CTNNBL1: variants seen among roughly 807,000 people sequenced by gnomAD.
CTNNBL1 encodes the protein catenin beta like 1.
A neutral mutation model predicts 72.7 loss-of-function variants in CTNNBL1; 31 were observed. The observed-to-expected ratio is 0.43, with a 90% CI of 0.32 to 0.58. CTNNBL1 has a LOEUF of 0.58. CTNNBL1 is among the 20% of genes least tolerant of loss of function. The pLI is 0.08. For missense variants in CTNNBL1, 534 were observed against 725.1 expected, an observed-to-expected ratio of 0.74 and a Z score of 3.03; for synonymous variants, 240 against 267.3, an observed-to-expected ratio of 0.90 and a Z score of 1.00.
At chr20:37,703,205 A>G (rs572748699) in intron 1 of CTNNBL1, among the ~76,000 whole-genome samples, 1 of 152,358 alleles carries the variant, frequency 6.6e-6, no homozygotes, top group Non-Finnish European at 1.5e-5. Flanking sequence ...ACCATTATGT[A>G]AAGATCAAAA....
chr20:37,755,484 C>T (rs773106373), intron 4 of CTNNBL1, among the ~76,000 whole-genome samples: 2 of 152,140 alleles, frequency 1.3e-5, no homozygotes, highest in African/African-American at 2.4e-5. Flanking sequence ...TGTCCAAAGA[C>T]CTTTAAGCTC....
At chr20:37,728,095 G>C (rs1273566949) in intron 1 of CTNNBL1, among the ~76,000 whole-genome samples, 1 of 152,086 alleles carries the variant, frequency 6.6e-6, no homozygotes, top group Non-Finnish European at 1.5e-5. Flanking sequence ...CAGGGAGCTG[G>C]AACCCTTCAG....
At chr20:37,814,740 A>G (rs2072039985) in intron 11 of CTNNBL1, among the ~76,000 whole-genome samples, 1 of 152,192 alleles carries the variant, frequency 6.6e-6, no homozygotes, top group African/African-American at 2.4e-5. Context: ...TAATGAAAGA[A>G]AAAAAACGGA....
At chr20:37,740,039 A>G (rs2073201826) in intron 3 of CTNNBL1, among the ~76,000 whole-genome samples, 1 of 152,186 alleles carries the variant, frequency 6.6e-6, no homozygotes, top group Admixed American at 6.5e-5. Context: ...CACCATCTAC[A>G]TCTTAGGTAC....
intron 4 of CTNNBL1, among the ~76,000 whole-genome samples, chr20:37,746,977 G>A (rs1470727215): frequency 6.6e-6 from 1 of 152,240 alleles, no homozygotes; most frequent in African/African-American, 2.4e-5. Flanking sequence ...TCTTTCTGCT[G>A]ACTGATGGTC....
intron 10 of CTNNBL1, among the ~76,000 whole-genome samples, chr20:37,782,233 A>G (rs962588620): frequency 4.6e-5 from 7 of 152,168 alleles, no homozygotes; most frequent in Admixed American, 6.5e-5. Context: ...TAACTATAAT[A>G]TAATTTAATA....
chr20:37,719,574 G>T (rs1036511901), intron 1 of CTNNBL1, among the ~76,000 whole-genome samples: 103 of 152,262 alleles, frequency 6.8e-4, no homozygotes, highest in African/African-American at 2.4e-3. Flanking sequence ...CTTAGTAAGG[G>T]TGCCCTGTAA....
chr20:37,763,747 T>C (rs1194689655), intron 5 of CTNNBL1, among the ~76,000 whole-genome samples: 1 of 151,764 alleles, frequency 6.6e-6, no homozygotes, highest in African/African-American at 2.4e-5. Flanking sequence ...TGGGAAAAAG[T>C]AGAGTTGGAG....
At chr20:37,729,244 C>G (rs1020176692) in intron 1 of CTNNBL1, among the ~76,000 whole-genome samples, 3 of 152,070 alleles carry the variant, frequency 2.0e-5, no homozygotes, top group African/African-American at 7.2e-5. Flanking sequence ...GAGAAGGGAC[C>G]AGGTTGTCTT....
At chr20:37,776,411 A>G (rs2073573967) in intron 7 of CTNNBL1, among the ~76,000 whole-genome samples, 1 of 152,234 alleles carries the variant, frequency 6.6e-6, no homozygotes, top group Non-Finnish European at 1.5e-5. Flanking sequence ...GTTAGTTCCA[A>G]GATAAACACT....
chr20:37,866,261 AC>A (rs1257595971), intron 15 of CTNNBL1, among the ~76,000 whole-genome samples: 1 of 152,104 alleles, frequency 6.6e-6, no homozygotes, highest in African/African-American at 2.4e-5. Flanking sequence ...CACCCAGTTC[AC>A]CCAAGAGGGC....
intron 1 of CTNNBL1, among the ~76,000 whole-genome samples, chr20:37,705,712 T>C (rs1331277371): frequency 6.6e-6 from 1 of 152,250 alleles, no homozygotes; most frequent in Non-Finnish European, 1.5e-5. Context: ...TTTCCTATTT[T>C]CTAGCGCCAA....
chr20:37,815,997 C>T (rs1439335603), intron 11 of CTNNBL1, among the ~76,000 whole-genome samples: 1 of 152,164 alleles, frequency 6.6e-6, no homozygotes, highest in Non-Finnish European at 1.5e-5. Flanking sequence ...TGTATTTAAT[C>T]ATCTTGCAGT....
chr20:37,777,703 G>T lies in CTNNBL1; in HGVS notation c.873G>T (p.Gln291His). ...GELDGIDVLLQQLSVFKRHNP... is the reference protein window; with the variant it reads ...GELDGIDVLLHQLSVFKRHNP... The stretch of plus-strand genomic sequence containing the variant: ...TGGATGGAATCGATGTGCTTCTTCA[G>T]CAGTTATCCGTGAGTAATTCTTATG... Residue 291 changes from glutamine to histidine, a missense_variant, in exon 9 of 16, where the codon CAG becomes CAT. Physicochemically the swap from Gln to His is conservative, Grantham distance 24 (BLOSUM62 0). Transcript: ENST00000361383. The T allele has an allele frequency of 6.2e-7, 1 of 1,613,678 alleles. No homozygotes were observed. The highest frequency in any genetic ancestry group is 8.5e-7 in the Non-Finnish European group (1 of 1,179,682).
intron 10 of CTNNBL1, among the ~76,000 whole-genome samples, chr20:37,790,565 T>G (rs1316847937): frequency 6.6e-6 from 1 of 152,232 alleles, no homozygotes. Flanking sequence ...AGTGGTAGTT[T>G]GCACCTGTTC....
intron 10 of CTNNBL1, among the ~76,000 whole-genome samples, chr20:37,790,349 G>A (rs1235028147): frequency 6.6e-6 from 1 of 152,068 alleles, no homozygotes; most frequent in African/African-American, 2.4e-5. Context: ...AAGAACTAGA[G>A]TCTTTTCTTC....
chr20:37,823,762 G>T (rs149977809), intron 11 of CTNNBL1, among the ~76,000 whole-genome samples: 128 of 152,290 alleles, frequency 8.4e-4, no homozygotes, highest in Non-Finnish European at 1.5e-3. Context: ...CACCAGGGTA[G>T]GTTGATGCTT....
intron 2 of CTNNBL1, among the ~76,000 whole-genome samples, chr20:37,734,786 G>A (rs191314800): frequency 8.5e-5 from 13 of 152,306 alleles, no homozygotes; most frequent in Admixed American, 3.3e-4. Context: ...GGTTTCTGAC[G>A]TTGAGCTATT....
At chr20:37,857,214 C>T (rs2072450522) in intron 13 of CTNNBL1, among the ~76,000 whole-genome samples, 1 of 152,206 alleles carries the variant, frequency 6.6e-6, no homozygotes, top group Non-Finnish European at 1.5e-5. Context: ...TTTTTAAACT[C>T]GTTGGACATG....
Sources: gnomAD v4.1 joint callset for allele counts (sites outside exome capture counted in the v4.1 genomes callset) on GRCh38, gnomAD v4.1.1 for gene constraint, MANE v1.5 for transcripts, NCBI Gene and HGNC (gene_info 2026-07-23, HGNC 2026-07-21) for gene names.